The following ARHGEF18 variants were observed in gnomAD, a reference collection of about 807,000 sequenced individuals.
The protein encoded by ARHGEF18 is rho guanine nucleotide exchange factor 18.
A neutral mutation model predicts 155.7 loss-of-function variants in ARHGEF18; 93 were observed. The ratio of observed to expected loss-of-function variants is 0.60; its 90% confidence interval spans 0.50 to 0.71. The LOEUF is 0.71. ARHGEF18 is among the 30% of genes least tolerant of loss of function. ARHGEF18 has a pLI of 0.00. For missense variants in ARHGEF18, 1,593 were observed against 1,816.1 expected (o/e 0.88, Z 2.23); for synonymous variants, 742 against 753.1 (o/e 0.99, Z 0.24).
chr19:7,472,930 G>A (rs1326835656), downstream of ARHGEF18: 3 of 454,098 alleles, frequency 6.6e-6, no homozygotes, highest in Non-Finnish European at 1.3e-5. Flanking sequence ...TCGAACTCCT[G>A]ACCTCAAGTG....
chr19:7,376,785 C>T, intron 5 of ARHGEF18, 28 bp downstream of exon 5: 1 of 1,221,906 alleles, frequency 8.2e-7, no homozygotes, highest in East Asian at 3.2e-5. Flanking sequence ...TTCCTTCATT[C>T]AAACCAAGTC....
At chr19:7,429,930 C>CA (rs1555717772) in intron 10 of ARHGEF18, among the ~76,000 whole-genome samples, 1 of 144,564 alleles carries the variant, frequency 6.9e-6, no homozygotes, top group Non-Finnish European at 1.5e-5. Flanking sequence ...CCTGGAAGTA[C>CA]TTTTTTTTTT....
In ARHGEF18 at chr19:7,440,873, C is replaced by T. The variant is rs1974597958; in HGVS notation, c.1106+391C>T. ...GTGGTTCCCTTGATAATGCCTGCAGCGGTGTCCGGGTAGAAAGTGATGCTA... is the reference window on the plus strand; with the variant it reads ...GTGGTTCCCTTGATAATGCCTGCAGTGGTGTCCGGGTAGAAAGTGATGCTA... On this transcript the variant is annotated intron_variant, in intron 11 of 28. Coordinates refer to ENST00000668164, the MANE Select transcript of ARHGEF18 (RefSeq NM_001367823.1). This position sits in a 1 kb window ranked among gnomAD's most constrained non-coding sequence, Gnocchi z 5.4. 6.6e-6 allele frequency among the ~76,000 whole-genome samples: 1 copy of T among 152,066 alleles called. No individual in the cohort carries two copies. The highest frequency in any genetic ancestry group is 2.4e-5 in the African/African-American group (1 of 41,408).
chr19:7,424,325 C>T (rs182291455), intron 10 of ARHGEF18, among the ~76,000 whole-genome samples: 56 of 152,174 alleles, frequency 3.7e-4, no homozygotes, highest in Admixed American at 2.0e-3. Flanking sequence ...CACCCCAGGC[C>T]GGAGTTTCTT....
Position 7,468,851 on chromosome 19 carries a change from C to G in ARHGEF18, c.3507C>G (p.Ser1169Arg), listed in dbSNP as rs199871537. 2.6e-5 allele frequency: 40 copies of G among 1,566,606 alleles called. No individual in the cohort carries two copies. In the African/African-American group the frequency reaches 4.9e-4, roughly 19 times the overall value. Residue 1169 changes from serine (S) to arginine (R), a missense_variant, in exon 27 of 29, where the codon AGC becomes AGG. Transcript: ENST00000668164. ...AEAQPPSHPP[S>R]FNGEGLEGPR... is the part of the protein sequence containing the mutation. ...CCCAGCCCCCAAGCCACCCTCCCAG[C>G]TTCAACGGGGAAGGGCTGGAGGGCC...
At chr19:7,394,782 C>A (rs904029589) in intron 10 of ARHGEF18, among the ~76,000 whole-genome samples, 3 of 152,186 alleles carry the variant, frequency 2.0e-5, no homozygotes, top group African/African-American at 7.2e-5. Flanking sequence ...AAACGCCCAC[C>A]TAACCCTGCT....
At chr19:7,404,649 G>A (rs1010087522) in intron 10 of ARHGEF18, among the ~76,000 whole-genome samples, 3 of 151,712 alleles carry the variant, frequency 2.0e-5, no homozygotes, top group African/African-American at 7.3e-5. Context: ...TAGTAGAGAT[G>A]GGGTTTTGCC....
intron 10 of ARHGEF18, among the ~76,000 whole-genome samples, chr19:7,421,045 C>T (rs1973322785): frequency 1.3e-5 from 2 of 152,188 alleles, no homozygotes; most frequent in Admixed American, 6.6e-5. Context: ...GTCCTTCCAC[C>T]TCAGCCTCCT....
At position 7,441,916 on chromosome 19, in the gene ARHGEF18, C is replaced by T. The variant is rs774664982; in HGVS notation, c.1224C>T (p.Pro408=). ...PNTESIFVED[P]YTASLRSEIE... Reference sequence around the variant, plus strand: ...CACACCTCGCTCTTCCCTCAGATCCCTACACCGCCTCGCTGAGGAGTGAGA... The same window carrying T: ...CACACCTCGCTCTTCCCTCAGATCCTTACACCGCCTCGCTGAGGAGTGAGA... Residue 408 remains proline, a synonymous_variant, in exon 13 of 29, where the codon CCC becomes CCT. Transcript: ENST00000668164. 6.8e-6 allele frequency: 11 copies of T among 1,614,064 alleles called. No individual in the cohort carries two copies. Among genetic ancestry groups the T allele is most frequent in the Middle Eastern group, 3.3e-4 (2 of 6,038 alleles).
At chr19:7,359,724 C>T (rs1288149447) in intron 1 of ARHGEF18, among the ~76,000 whole-genome samples, 1 of 152,086 alleles carries the variant, frequency 6.6e-6, no homozygotes, top group Non-Finnish European at 1.5e-5. Context: ...GATCATGGCT[C>T]AGTCTGTGAC....
chr19:7,381,296 C>T (rs1970722070), intron 8 of ARHGEF18, among the ~76,000 whole-genome samples: 3 of 152,088 alleles, frequency 2.0e-5, no homozygotes, highest in African/African-American at 4.8e-5. Flanking sequence ...GGAATGACAT[C>T]GGAGTGGGGC....
rs1418998456 is a variant in ARHGEF18 at position 7,385,945 on chromosome 19, C to A, written c.967+2742C>A. Among the ~76,000 whole-genome samples, 223 of 66,916 alleles carry A rather than the reference C, an allele frequency of 3.3e-3. 3 individuals are homozygous for A. Among genetic ancestry groups the A allele is most frequent in the African/African-American group, 0.014 (214 of 15,330 alleles). The allele number at this position is 66,916 out of a possible 152,430, so 43.9% of individuals were successfully genotyped here. A position where few individuals can be genotyped will look rare whatever the true frequency, so the allele number is the denominator to read the frequency against. Reference sequence around the variant, plus strand: ...CTCTCTCTCTCTCTCTCCCCCTCTCCCTCTCTCTCTCTCCCTCCCCCTCTC... The same window carrying A: ...CTCTCTCTCTCTCTCTCCCCCTCTCACTCTCTCTCTCTCCCTCCCCCTCTC... On this transcript the variant is annotated intron_variant, in intron 10 of 28. Coordinates refer to ENST00000668164, the MANE Select transcript of ARHGEF18 (RefSeq NM_001367823.1).
At position 7,467,578 on chromosome 19, in the gene ARHGEF18, A is replaced by G; in HGVS notation, c.3374A>G (p.Glu1125Gly). Residue 1125 changes from glutamate to glycine, a missense_variant, in exon 26 of 29, where the codon GAG becomes GGG. Physicochemically the swap from Glu to Gly is moderately conservative, Grantham distance 98. Transcript: ENST00000668164. ...AYQHDLERLREAQRAVERERE... is the reference protein window; with the variant it reads ...AYQHDLERLRGAQRAVERERE... ...CAGCACGACCTGGAGCGGCTGCGCG[A>G]GGCCCAGCGTGCCGTGGAGCGCGAG... 1 of 1,500,598 alleles carries G rather than the reference A, an allele frequency of 6.7e-7. No individual in the cohort carries two copies. Among genetic ancestry groups the G allele is most frequent in the Non-Finnish European group, 8.8e-7 (1 of 1,133,200 alleles). 93.0% of individuals were successfully genotyped at this position (1,500,598 alleles called of 1,614,324 possible).
downstream of ARHGEF18, chr19:7,477,392 T>G (rs780494793): frequency 1.3e-5 from 20 of 1,537,194 alleles, no homozygotes; most frequent in Admixed American, 2.5e-4. Flanking sequence ...CGCCTCCGAC[T>G]GCATCTGCGC....
chr19:7,380,907 G>A lies in ARHGEF18; in HGVS notation c.645-10G>A. On this transcript the variant is annotated splice_polypyrimidine_tract_variant and intron_variant, in intron 7 of 28. Coordinates refer to ENST00000668164, the MANE Select transcript of ARHGEF18 (RefSeq NM_001367823.1). ...GCCGACCCAGGTATCTGTCCCCTCT[G>A]ATCCTGCAGGGCCCGGCAGAGGGCT... is the stretch of plus-strand genomic sequence containing the variant. 2 of 1,231,958 alleles carry A rather than the reference G, an allele frequency of 1.6e-6. No homozygotes were observed. The highest frequency in any genetic ancestry group is 2.0e-6 in the Non-Finnish European group (2 of 987,872). The allele number at this position is 1,231,958 out of a possible 1,614,324, so 76.3% of individuals were successfully genotyped here.
intron 10 of ARHGEF18, among the ~76,000 whole-genome samples, chr19:7,416,531 G>A (rs1032573222): frequency 3.1e-4 from 3 of 9,668 alleles, no homozygotes; most frequent in Non-Finnish European, 5.4e-4. Context: ...GAGAAAATTC[G>A]TGTGTGTGTG....
intron 10 of ARHGEF18, among the ~76,000 whole-genome samples, chr19:7,430,257 A>C (rs1422064949): frequency 6.6e-6 from 1 of 152,090 alleles, no homozygotes; most frequent in African/African-American, 2.4e-5. Context: ...GCTGGAGTGC[A>C]GTGGCATGAT....
chr19:7,474,038 TAAA>T (rs201547571), downstream of ARHGEF18, among the ~76,000 whole-genome samples: 1 of 144,354 alleles, frequency 6.9e-6, no homozygotes. Flanking sequence ...AAATGAAATT[TAAA>T]AAAAAAAGAA....
intron 11 of ARHGEF18, among the ~76,000 whole-genome samples, chr19:7,441,115 G>A (rs1003901118): frequency 7.3e-5 from 11 of 151,432 alleles, no homozygotes; most frequent in African/African-American, 2.4e-4. Context: ...AACATTAAAG[G>A]AAGTTACTAT....
Sources: gnomAD v4.1 joint callset for allele counts (sites outside exome capture counted in the v4.1 genomes callset) on GRCh38, gnomAD v4.1.1 for gene constraint, Gnocchi (gnomAD v3.1) non-coding constraint, MANE v1.5 for transcripts, NCBI Gene and HGNC (gene_info 2026-07-23, HGNC 2026-07-21) for gene names.